The following MGAT5 variants were observed in gnomAD, a reference collection of about 807,000 sequenced individuals.
MGAT5 encodes the protein alpha-1,6-mannosylglycoprotein 6-beta-N-acetylglucosaminyltransferase.
Under a neutral mutation model 94.3 loss-of-function variants are expected in MGAT5, and 30 were observed. That is an observed-to-expected ratio of 0.32 (90% CI 0.24 to 0.43). The LOEUF is 0.43. MGAT5 is among the 20% of genes least tolerant of loss of function. MGAT5 has a pLI of 1.00. For missense variants in MGAT5, 691 were observed against 905.5 expected, an observed-to-expected ratio of 0.76 and a Z score of 3.04; for synonymous variants, 310 against 322.9, an observed-to-expected ratio of 0.96 and a Z score of 0.43.
At chr2:134,243,072 C>G (rs2105452729) in intron 1 of MGAT5, among the ~76,000 whole-genome samples, 1 of 151,778 alleles carries the variant, frequency 6.6e-6, no homozygotes, top group Admixed American at 6.6e-5. Context: ...TCTTAAAATT[C>G]TAGAATGGAT....
chr2:134,345,448 C>T (rs1573873063), intron 8 of MGAT5, among the ~76,000 whole-genome samples: 4 of 152,064 alleles, frequency 2.6e-5, no homozygotes, highest in African/African-American at 9.7e-5. Flanking sequence ...CATCAGTATT[C>T]TTGTCATTCC....
At chr2:134,315,502 G>A (rs1368959421) in intron 2 of MGAT5, among the ~76,000 whole-genome samples, 1 of 152,234 alleles carries the variant, frequency 6.6e-6, no homozygotes, top group African/African-American at 2.4e-5. Context: ...GCAGCTAGAA[G>A]GAGAGCCCCA....
chr2:134,133,355 A>G (rs370116185), intron 1 of MGAT5, among the ~76,000 whole-genome samples: 1 of 152,184 alleles, frequency 6.6e-6, no homozygotes, highest in South Asian at 2.1e-4. Context: ...AAAGGACAAC[A>G]TTGTTATTTA....
Position 134,270,297 on chromosome 2 carries a change from A to C in MGAT5, c.242-89A>C, listed in dbSNP as rs948085366. 7.1e-6 allele frequency: 9 copies of C among 1,260,684 alleles called. No individual in the cohort carries two copies. In the East Asian group the frequency reaches 9.4e-5, roughly 13 times the overall value. The allele number at this position is 1,260,684 out of a possible 1,614,324, so 78.1% of individuals were successfully genotyped here. On this transcript the variant is annotated intron_variant, in intron 1 of 15. Transcript: ENST00000281923. ...TGTATCACTTCAGAAACATTTGAGAAGTTTTGTTCTCCACGATAAAGAGAG... is the reference window on the plus strand; with the variant it reads ...TGTATCACTTCAGAAACATTTGAGACGTTTTGTTCTCCACGATAAAGAGAG...
chr2:134,244,903 A>T (rs1384083535), intron 1 of MGAT5, among the ~76,000 whole-genome samples: 1 of 152,232 alleles, frequency 6.6e-6, no homozygotes, highest in Non-Finnish European at 1.5e-5. Flanking sequence ...CAACAAAAAA[A>T]TTATTCAGAC....
At chr2:134,249,314 G>A (rs1573611365), upstream of MGAT5, among the ~76,000 whole-genome samples, 1 of 148,022 alleles carries the variant, frequency 6.8e-6, no homozygotes, top group South Asian at 2.1e-4. Flanking sequence ...CTTTTGGTAT[G>A]TCCACAGAAT....
intron 1 of MGAT5, among the ~76,000 whole-genome samples, chr2:134,257,180 A>G (rs1006280510): frequency 2.6e-5 from 4 of 152,124 alleles, no homozygotes; most frequent in Non-Finnish European, 4.4e-5. Flanking sequence ...CACAAACGCT[A>G]TCTGACATCA....
intron 8 of MGAT5, among the ~76,000 whole-genome samples, chr2:134,348,502 A>G (rs542366935): frequency 1.3e-5 from 2 of 152,306 alleles, no homozygotes; most frequent in African/African-American, 2.4e-5. Flanking sequence ...AAAATTTTTG[A>G]GTATACTTCC....
chr2:134,444,967 G>A (rs995250298), intron 15 of MGAT5, among the ~76,000 whole-genome samples: 1 of 150,460 alleles, frequency 6.6e-6, no homozygotes, highest in Non-Finnish European at 1.5e-5. Flanking sequence ...TCCAGGAAGT[G>A]CCAGGGTCCA....
chr2:134,142,129 C>G (rs550290883), intron 1 of MGAT5, among the ~76,000 whole-genome samples: 2 of 152,248 alleles, frequency 1.3e-5, no homozygotes, highest in Admixed American at 6.5e-5. Flanking sequence ...TTGCATAGTT[C>G]AGGGCCTCCT....
chr2:134,222,012 G>T (rs956944684), intron 1 of MGAT5, among the ~76,000 whole-genome samples: 2 of 152,090 alleles, frequency 1.3e-5, no homozygotes, highest in Non-Finnish European at 2.9e-5. Flanking sequence ...TGCTAGAAAG[G>T]CTTGTTCCTC....
chr2:134,322,050 G>A (rs1283158679), intron 4 of MGAT5, among the ~76,000 whole-genome samples: 1 of 152,162 alleles, frequency 6.6e-6, no homozygotes, highest in Non-Finnish European at 1.5e-5. Flanking sequence ...TGTTTCTGCT[G>A]CTTTCTCAGC....
At chr2:134,314,011 T>A (rs948578377) in intron 2 of MGAT5, among the ~76,000 whole-genome samples, 4 of 152,332 alleles carry the variant, frequency 2.6e-5, no homozygotes, top group South Asian at 2.1e-4. Context: ...TAAAAATGTT[T>A]ATAGAATTTT....
chr2:134,351,858 AG>A (rs2106058431), intron 9 of MGAT5, among the ~76,000 whole-genome samples: 1 of 152,322 alleles, frequency 6.6e-6, no homozygotes, highest in Admixed American at 6.5e-5. Flanking sequence ...AAAATTGAGA[AG>A]AAAAAGTTCC....
At chr2:134,195,661 G>A (rs1679460016) in intron 1 of MGAT5, among the ~76,000 whole-genome samples, 1 of 152,150 alleles carries the variant, frequency 6.6e-6, no homozygotes, top group Non-Finnish European at 1.5e-5. Context: ...AGTACCTACT[G>A]CATTAAGTGA....
At chr2:134,398,482 G>A (rs1190455204) in intron 10 of MGAT5, among the ~76,000 whole-genome samples, 2 of 152,154 alleles carry the variant, frequency 1.3e-5, no homozygotes, top group Non-Finnish European at 2.9e-5. Flanking sequence ...GTGAATGAGG[G>A]GAACTGACGT....
At chr2:134,442,253 G>T (rs1313221023) in intron 15 of MGAT5, among the ~76,000 whole-genome samples, 1 of 152,142 alleles carries the variant, frequency 6.6e-6, no homozygotes, top group East Asian at 1.9e-4. Context: ...GTAGAGGTGG[G>T]CACAGAGCCA....
intron 10 of MGAT5, among the ~76,000 whole-genome samples, chr2:134,367,827 T>C (rs1680531188): frequency 6.6e-6 from 1 of 152,258 alleles, no homozygotes; most frequent in Non-Finnish European, 1.5e-5. Flanking sequence ...CAGCAAAAGC[T>C]AGTGCTTATT....
intron 1 of MGAT5, among the ~76,000 whole-genome samples, chr2:134,130,589 C>T (rs1055702570): frequency 6.6e-6 from 1 of 151,946 alleles, no homozygotes; most frequent in Non-Finnish European, 1.5e-5. Context: ...CACTTTGTAT[C>T]TAGCTGATCT....
Sources: gnomAD v4.1 joint callset for allele counts (sites outside exome capture counted in the v4.1 genomes callset) on GRCh38, gnomAD v4.1.1 for gene constraint, MANE v1.5 for transcripts, NCBI Gene and HGNC (gene_info 2026-07-23, HGNC 2026-07-21) for gene names.